The following GOLIM4 variants were observed in gnomAD, a reference collection of about 807,000 sequenced individuals.
GOLIM4 encodes the protein golgi integral membrane protein 4.
Under a neutral mutation model 107.4 loss-of-function variants are expected in GOLIM4, and 71 were observed. The ratio of observed to expected loss-of-function variants is 0.66; its 90% CI spans 0.55 to 0.81. GOLIM4 has a LOEUF of 0.81. Ranked by LOEUF, GOLIM4 falls within the 30% of genes least tolerant of loss-of-function variation. The pLI is 0.00. For missense variants in GOLIM4, 830 were observed against 826.1 expected (o/e 1.00, Z -0.06); for synonymous variants, 327 against 294.8 (o/e 1.11, Z -1.12).
intron 1 of GOLIM4, among the ~76,000 whole-genome samples, chr3:168,089,142 G>A (rs546594514): frequency 6.6e-6 from 1 of 152,320 alleles, no homozygotes; most frequent in Non-Finnish European, 1.5e-5. Context: ...TTTATTCAGG[G>A]AAGGAATTTA....
intron 15 of GOLIM4, 100 bp from the exon 16 acceptor site, chr3:168,010,518 G>GA (rs200439159): frequency 6.4e-5 from 55 of 864,828 alleles, no homozygotes; most frequent in Non-Finnish European, 7.5e-5. Flanking sequence ...ATTTTTGGAG[G>GA]AAAAAAAAGG....
intron 14 of GOLIM4, among the ~76,000 whole-genome samples, chr3:168,022,222 T>C (rs1042886811): frequency 4.1e-4 from 62 of 152,022 alleles, no homozygotes; most frequent in Admixed American, 3.1e-3. Flanking sequence ...GAGGAAATGC[T>C]GACAGAAATA....
At chr3:168,040,894 T>C (rs1373713798) in intron 6 of GOLIM4, 25 bp from the exon 7 acceptor site, 3 of 1,475,344 alleles carry the variant, frequency 2.0e-6, no homozygotes, top group Non-Finnish European at 2.8e-6. Flanking sequence ...ATTTTACATG[T>C]TGAGCTTTAA....
chr3:168,061,068 C>A (rs761762017), intron 1 of GOLIM4, among the ~76,000 whole-genome samples: 1 of 151,322 alleles, frequency 6.6e-6, no homozygotes, highest in Admixed American at 6.6e-5. Flanking sequence ...TATAACATGA[C>A]CTTCAGTTTT....
At chr3:168,049,542 G>A (rs1560089707) in intron 1 of GOLIM4, among the ~76,000 whole-genome samples, 1 of 152,070 alleles carries the variant, frequency 6.6e-6, no homozygotes. Flanking sequence ...CTCATTCTTG[G>A]CAGGCTAAGC....
chr3:168,052,503 AG>A (rs1237297271), intron 1 of GOLIM4, among the ~76,000 whole-genome samples: 1 of 152,004 alleles, frequency 6.6e-6, no homozygotes, highest in Non-Finnish European at 1.5e-5. Flanking sequence ...TTTAAATAAA[AG>A]AAAAAGCAAA....
At chr3:168,032,420 C>T in intron 9 of GOLIM4, 100 bp downstream of exon 9, 1 of 848,292 alleles carries the variant, frequency 1.2e-6, no homozygotes, top group South Asian at 1.6e-5. Context: ...GAATCACTCA[C>T]ATTTCTATTT....
chr3:168,059,750 G>A (rs1365950767), intron 1 of GOLIM4, among the ~76,000 whole-genome samples: 1 of 152,202 alleles, frequency 6.6e-6, no homozygotes, highest in Non-Finnish European at 1.5e-5. Flanking sequence ...GAGGCGTGGG[G>A]AGAATGGGCC....
intron 1 of GOLIM4, among the ~76,000 whole-genome samples, chr3:168,073,823 A>T (rs192474798): frequency 1.3e-5 from 2 of 152,112 alleles, no homozygotes; most frequent in Non-Finnish European, 2.9e-5. Flanking sequence ...CAGCTGTGAG[A>T]TCTCCAGGGA....
chr3:168,077,739 T>C (rs979475699), intron 1 of GOLIM4, among the ~76,000 whole-genome samples: 10 of 152,306 alleles, frequency 6.6e-5, no homozygotes, highest in African/African-American at 1.2e-4. Flanking sequence ...TTTGGCTATA[T>C]TGTATTTCAG....
chr3:168,075,295 T>TG (rs1369199478), intron 1 of GOLIM4, among the ~76,000 whole-genome samples: 2 of 84,286 alleles, frequency 2.4e-5, no homozygotes, highest in East Asian at 4.6e-4. Context: ...AGTTTTTTTT[T>TG]TTTTTTTTTT....
intron 9 of GOLIM4, among the ~76,000 whole-genome samples, chr3:168,030,751 C>T (rs1021239441): frequency 1.3e-5 from 2 of 152,068 alleles, no homozygotes; most frequent in Non-Finnish European, 2.9e-5. Flanking sequence ...AACCCTCGTA[C>T]GCTGTTGGTG....
At position 168,044,890 on chromosome 3, in the gene GOLIM4, C is replaced by CAAAA. The variant is rs57702503; in HGVS notation, c.313-13_313-10dup. 9 of 1,267,506 alleles carry CAAAA rather than the reference C, an allele frequency of 7.1e-6. No homozygotes were observed. The highest frequency in any genetic ancestry group is 9.8e-6 in the Non-Finnish European group (9 of 922,034). 78.5% of individuals were successfully genotyped at this position (1,267,506 alleles called of 1,614,324 possible). A position where few individuals can be genotyped will look rare whatever the true frequency, so the allele number is the denominator to read the frequency against. On this transcript the variant is annotated splice_polypyrimidine_tract_variant and intron_variant, in intron 3 of 15. Transcript: ENST00000470487. ...CTGCTATTGGAATCTTGCTGTAAAT[C>CAAAA]AAAAAAAAAAAAGAAAACACAAAGA...
At chr3:168,086,213 T>C (rs1013855424) in intron 1 of GOLIM4, among the ~76,000 whole-genome samples, 5 of 152,224 alleles carry the variant, frequency 3.3e-5, no homozygotes, top group African/African-American at 7.2e-5. Flanking sequence ...GCAAGCATCA[T>C]AGATTTCTAA....
chr3:168,024,386 A>T, intron 14 of GOLIM4, 140 bp downstream of exon 14: 1 of 687,670 alleles, frequency 1.5e-6, no homozygotes, highest in South Asian at 1.8e-5. Context: ...TTTGCTTTAA[A>T]CCACCCTTTC....
At chr3:168,095,073 G>T in intron 1 of GOLIM4, 26 bp downstream of exon 1, 1 of 1,572,288 alleles carries the variant, frequency 6.4e-7, no homozygotes, top group Non-Finnish European at 8.7e-7. Context: ...GTTGGCCACC[G>T]GCTGCGCGCG....
intron 1 of GOLIM4, among the ~76,000 whole-genome samples, chr3:168,066,112 A>G (rs1283372733): frequency 1.3e-5 from 2 of 152,262 alleles, no homozygotes; most frequent in East Asian, 3.9e-4. Context: ...AGACAAGAAG[A>G]GAAGGGGTAA....
Position 168,037,412 on chromosome 3 carries a change from G to C in GOLIM4, c.685-418C>G, listed in dbSNP as rs548619443. Among the ~76,000 whole-genome samples, 12 of 152,062 alleles carry C rather than the reference G, an allele frequency of 7.9e-5. 1 individual carries two copies. The South Asian group carries it at 2.5e-3, about 32-fold the overall frequency. ...ATGATCTGAATAAAATCTTTCAGTA[G>C]AAAGGAGTCATAGGTTTAAAATAAA... On this transcript the variant is annotated intron_variant, in intron 7 of 15. Transcript: ENST00000470487.
chr3:168,058,970 AAGAG>A (rs1341520079), intron 1 of GOLIM4, among the ~76,000 whole-genome samples: 1 of 152,148 alleles, frequency 6.6e-6, no homozygotes, highest in Non-Finnish European at 1.5e-5. Context: ...ACAAGAGAAA[AAGAG>A]AGGCAGAGGG....
Sources: gnomAD v4.1 joint callset for allele counts (sites outside exome capture counted in the v4.1 genomes callset) on GRCh38, gnomAD v4.1.1 for gene constraint, MANE v1.5 for transcripts, NCBI Gene and HGNC (gene_info 2026-07-23, HGNC 2026-07-21) for gene names.